The following ENTREP2 variants were observed in gnomAD, a reference collection of about 807,000 sequenced individuals.
ENTREP2 encodes the protein protein ENTREP2.
the ENTREP2 span, among the ~76,000 whole-genome samples, chr15:29,310,368 A>G: frequency 6.6e-6 from 1 of 152,200 alleles, no homozygotes; most frequent in African/African-American, 2.4e-5. Flanking sequence ...AGAAAGGGCC[A>G]GGACTGAGGG....
the ENTREP2 span, among the ~76,000 whole-genome samples, chr15:29,490,412 G>T: frequency 6.6e-6 from 1 of 152,208 alleles, no homozygotes; most frequent in African/African-American, 2.4e-5. Flanking sequence ...CAAACAGTTT[G>T]CGGCTGCTGG....
chr15:29,157,511 C>T, the ENTREP2 span, among the ~76,000 whole-genome samples: 34 of 152,292 alleles, frequency 2.2e-4, no homozygotes, highest in South Asian at 6.2e-4. Flanking sequence ...TATCCATGTG[C>T]GCAGTAGCTG....
the ENTREP2 span, among the ~76,000 whole-genome samples, chr15:29,640,527 T>TG: frequency 6.6e-6 from 1 of 151,932 alleles, no homozygotes; most frequent in African/African-American, 2.4e-5. Flanking sequence ...CCAGGTTCAG[T>TG]GGTGTGTGCC....
chr15:29,228,255 G>T, the ENTREP2 span, among the ~76,000 whole-genome samples: 1 of 152,122 alleles, frequency 6.6e-6, no homozygotes, highest in Non-Finnish European at 1.5e-5. Flanking sequence ...AGAGGTGGAG[G>T]TTGCAGTGAG....
At chr15:29,538,139 C>T in the ENTREP2 span, among the ~76,000 whole-genome samples, 24 of 152,238 alleles carry the variant, frequency 1.6e-4, no homozygotes, top group African/African-American at 5.8e-4. Context: ...CTACATCCCA[C>T]AGCAGTGTCT....
the ENTREP2 span, chr15:29,570,603 C>A: frequency 6.8e-7 from 1 of 1,461,368 alleles, no homozygotes; most frequent in East Asian, 3.0e-5. Context: ...CATCCGAGCG[C>A]CATCTGCGTG....
At chr15:29,182,840 A>T in the ENTREP2 span, among the ~76,000 whole-genome samples, 14 of 150,942 alleles carry the variant, frequency 9.3e-5, no homozygotes, top group East Asian at 3.9e-4. Context: ...ATAGACCAAT[A>T]AAAAAAAAGA....
At chr15:29,128,665 G>A in the ENTREP2 span, 1 of 781,634 alleles carries the variant, frequency 1.3e-6, no homozygotes. Context: ...CTCTTAAAGA[G>A]TAAGAAATGG....
At chr15:29,538,042 G>A in the ENTREP2 span, among the ~76,000 whole-genome samples, 1 of 152,100 alleles carries the variant, frequency 6.6e-6, no homozygotes, top group African/African-American at 2.4e-5. Context: ...CCTTCTCCTG[G>A]ATTTAACAAT....
At chr15:29,161,806 T>C in the ENTREP2 span, among the ~76,000 whole-genome samples, 1 of 152,104 alleles carries the variant, frequency 6.6e-6, no homozygotes, top group Admixed American at 6.5e-5. Flanking sequence ...CATAGGATCA[T>C]GGTGGACGGG....
the ENTREP2 span, chr15:29,610,921 T>C: frequency 4.6e-5 from 7 of 152,348 alleles, no homozygotes; most frequent in African/African-American, 1.7e-4. Context: ...CTACTCTTTC[T>C]GATCATCCTC....
At chr15:29,385,466 C>A in the ENTREP2 span, among the ~76,000 whole-genome samples, 1 of 152,208 alleles carries the variant, frequency 6.6e-6, no homozygotes, top group African/African-American at 2.4e-5. Context: ...AATTCTCCTA[C>A]ACAAAGCAAA....
the ENTREP2 span, chr15:29,269,869 G>A: frequency 3.0e-6 from 2 of 660,556 alleles, no homozygotes; most frequent in Non-Finnish European, 4.6e-6. Flanking sequence ...GCGGCTGGGC[G>A]GTGCGCCTGC....
chr15:29,328,886 A>T, the ENTREP2 span, among the ~76,000 whole-genome samples: 2 of 152,262 alleles, frequency 1.3e-5, no homozygotes, highest in South Asian at 2.1e-4. Context: ...GTTGGTATAC[A>T]CTCATATACA....
At chr15:29,573,166 G>T in the ENTREP2 span, among the ~76,000 whole-genome samples, 2 of 152,256 alleles carry the variant, frequency 1.3e-5, no homozygotes, top group African/African-American at 2.4e-5. Flanking sequence ...ATTTAAGAAA[G>T]GTACGGAAAG....
the ENTREP2 span, among the ~76,000 whole-genome samples, chr15:29,192,442 A>G: frequency 4.6e-5 from 7 of 152,218 alleles, no homozygotes; most frequent in Admixed American, 3.3e-4. Context: ...CACCATTACA[A>G]CAACAAGAAG....
At chr15:29,570,855 G>A in the ENTREP2 span, 1 of 204,466 alleles carries the variant, frequency 4.9e-6, no homozygotes, top group Non-Finnish European at 8.3e-6. Context: ...CAGGGCTGCG[G>A]CGGCCGCGCG....
chr15:29,135,008 G>T, the ENTREP2 span, among the ~76,000 whole-genome samples: 2 of 152,068 alleles, frequency 1.3e-5, no homozygotes, highest in Non-Finnish European at 2.9e-5. This position sits in a 1 kb window ranked among gnomAD's most constrained non-coding sequence, Gnocchi z 7.4. Context: ...CACGGCTGCT[G>T]AGAAGCCCAA....
the ENTREP2 span, among the ~76,000 whole-genome samples, chr15:29,407,932 G>A: frequency 3.9e-5 from 6 of 151,936 alleles, no homozygotes; most frequent in Admixed American, 6.6e-5. Context: ...CACCCACCTC[G>A]GCCTCCCAAA....
Sources: gnomAD v4.1 joint callset for allele counts (sites outside exome capture counted in the v4.1 genomes callset) on GRCh38, gnomAD v4.1.1 for gene constraint, Gnocchi (gnomAD v3.1) non-coding constraint, MANE v1.5 for transcripts, NCBI Gene and HGNC (gene_info 2026-07-23, HGNC 2026-07-21) for gene names.